RUBCN: variants seen among roughly 807,000 people sequenced by gnomAD.
RUBCN encodes rubicon autophagy regulator.
A neutral mutation model predicts 113.2 loss-of-function variants in RUBCN; 74 were observed. The observed-to-expected ratio is 0.65, with a 90% CI of 0.54 to 0.79. The LOEUF is 0.79. RUBCN is among the 30% of genes least tolerant of loss of function. The probability of loss-of-function intolerance (pLI) is 0.00; values close to 1 mark genes in which losing one functional copy is unlikely to be tolerated. For synonymous variants in RUBCN, 480 were observed against 490.0 expected (o/e 0.98, Z 0.27); for missense variants, 1,109 against 1,251.7 (o/e 0.89, Z 1.72).
intron 1 of RUBCN, among the ~76,000 whole-genome samples, chr3:197,726,460 A>G (rs1383391357): frequency 6.6e-6 from 1 of 150,736 alleles, no homozygotes; most frequent in Non-Finnish European, 1.5e-5. Context: ...GTTAGCCAGG[A>G]TGGTCTCGAT....
intron 1 of RUBCN, among the ~76,000 whole-genome samples, chr3:197,736,029 G>C (rs1034707862): frequency 6.6e-6 from 1 of 152,172 alleles, no homozygotes; most frequent in Non-Finnish European, 1.5e-5. Flanking sequence ...AAAGGAAATG[G>C]CACAGAGGTC....
chr3:197,708,821 A>G (rs1297933231), intron 2 of RUBCN, among the ~76,000 whole-genome samples: 2 of 152,198 alleles, frequency 1.3e-5, no homozygotes, highest in Non-Finnish European at 2.9e-5. Flanking sequence ...TGTATTTATA[A>G]ACACTAGTAT....
In RUBCN at chr3:197,675,359, C is replaced by G; in HGVS notation, c.2740+63G>C. On this transcript the variant is annotated intron_variant, in intron 19 of 19. Coordinates refer to ENST00000296343, the MANE Select transcript of RUBCN (RefSeq NM_014687.4). This position sits in a 1 kb window ranked among gnomAD's most constrained non-coding sequence, Gnocchi z 4.4. Reference sequence around the variant, plus strand: ...ACCGAACTCTTGCTAACAGGGGTGGCTCTGGGGAATCAAGGAGCCCTGTGT... The same window carrying G: ...ACCGAACTCTTGCTAACAGGGGTGGGTCTGGGGAATCAAGGAGCCCTGTGT... The G allele has an allele frequency of 3.3e-6, 5 of 1,536,340 alleles. No homozygotes were observed. Among genetic ancestry groups the G allele is most frequent in the Non-Finnish European group, 4.5e-6 (5 of 1,111,358 alleles).
chr3:197,724,262 GTATGT>G (rs1423986777), intron 1 of RUBCN, among the ~76,000 whole-genome samples: 1 of 151,636 alleles, frequency 6.6e-6, no homozygotes, highest in Non-Finnish European at 1.5e-5. Flanking sequence ...GTTATAATAA[GTATGT>G]TATAATAAGT....
chr3:197,686,231 T>A (rs1003456951), intron 11 of RUBCN, among the ~76,000 whole-genome samples: 3 of 151,902 alleles, frequency 2.0e-5, no homozygotes, highest in Non-Finnish European at 4.4e-5. Flanking sequence ...CAGTTCTGTA[T>A]CCTCACAGAG....
Position 197,674,856 on chromosome 3 carries a change from GCACAC to G in RUBCN, c.*157_*161del. On this transcript the variant is annotated 3_prime_UTR_variant, in exon 20 of 20. Transcript: ENST00000296343. ...CCCATCAACCTGCCGACGGCTGACTGCACACAGACGTCAGACAAGTCAGTAAAAAA... is the reference window on the plus strand; with the variant it reads ...CCCATCAACCTGCCGACGGCTGACTGAGACGTCAGACAAGTCAGTAAAAAA... 2 of 603,154 alleles carry G rather than the reference GCACAC, an allele frequency of 3.3e-6. No homozygotes were observed. Among genetic ancestry groups the G allele is most frequent in the Non-Finnish European group, 5.4e-6 (2 of 369,706 alleles). The allele number at this position is 603,154 out of a possible 1,614,324, so 37.4% of individuals were successfully genotyped here.
intron 1 of RUBCN, among the ~76,000 whole-genome samples, chr3:197,726,275 C>T (rs953277912): frequency 1.3e-5 from 2 of 151,970 alleles, no homozygotes; most frequent in Non-Finnish European, 2.9e-5. Context: ...GAGACGGAGT[C>T]TCGCTCTGTC....
chr3:197,690,614 A>G (rs1333714031), intron 11 of RUBCN, among the ~76,000 whole-genome samples: 1 of 152,222 alleles, frequency 6.6e-6, no homozygotes, highest in African/African-American at 2.4e-5. Flanking sequence ...CAAAGTACCC[A>G]GAAGAGATGG....
intron 2 of RUBCN, among the ~76,000 whole-genome samples, chr3:197,713,898 C>A (rs1725228410): frequency 6.6e-6 from 1 of 151,814 alleles, no homozygotes; most frequent in East Asian, 1.9e-4. Flanking sequence ...CACGGTGAAA[C>A]CCTGTCTCTA....
chr3:197,739,537 C>T (rs1348719062), upstream of RUBCN, among the ~76,000 whole-genome samples: 1 of 148,412 alleles, frequency 6.7e-6, no homozygotes, highest in African/African-American at 2.5e-5. Flanking sequence ...ACTAAAAATA[C>T]AACAAAAAAT....
chr3:197,685,380 A>G (rs1190778419), intron 11 of RUBCN, among the ~76,000 whole-genome samples: 2 of 152,138 alleles, frequency 1.3e-5, no homozygotes, highest in Non-Finnish European at 2.9e-5. Context: ...TCAGAAGGAC[A>G]CCAATCTTGT....
chr3:197,745,762 C>T (rs781017501), intron 1 of RUBCN, among the ~76,000 whole-genome samples: 2 of 148,394 alleles, frequency 1.3e-5, no homozygotes, highest in African/African-American at 2.5e-5. Context: ...TTGAGCTGGG[C>T]GCGGTGGCTC....
chr3:197,739,656 G>A (rs561108677), upstream of RUBCN, among the ~76,000 whole-genome samples: 349 of 152,194 alleles, frequency 2.3e-3, 1 homozygote, highest in African/African-American at 5.0e-3. Flanking sequence ...CAGAGATCAC[G>A]CCACTGCACT....
rs1721451725 is a variant in RUBCN, at chr3:197,683,209, A to T, written c.1980+98T>A. On this transcript the variant is annotated intron_variant, in intron 13 of 19. Transcript: ENST00000296343. The surrounding 1 kb of genome is among the most constrained non-coding windows in gnomAD (Gnocchi z 4.6). Reference sequence around the variant, plus strand: ...TGGCTTCCACGAGTAAGGGGGGAACACCCAGGCTCATTCCAGACTAGGGAC... The same window carrying T: ...TGGCTTCCACGAGTAAGGGGGGAACTCCCAGGCTCATTCCAGACTAGGGAC... 6.9e-7 allele frequency: 1 copy of T among 1,453,376 alleles called. No homozygotes were observed. The highest frequency in any genetic ancestry group is 9.7e-7 in the Non-Finnish European group (1 of 1,033,928). 90.0% of individuals were successfully genotyped at this position (1,453,376 alleles called of 1,614,324 possible).
chr3:197,690,927 T>C (rs541845622), intron 11 of RUBCN: 1 of 405,598 alleles, frequency 2.5e-6, no homozygotes, highest in Admixed American at 2.9e-5. Flanking sequence ...TTGTTCTGGC[T>C]TAGCTCCAGT....
intron 2 of RUBCN, among the ~76,000 whole-genome samples, chr3:197,714,457 TC>T (rs1196647272): frequency 6.6e-6 from 1 of 152,030 alleles, no homozygotes; most frequent in African/African-American, 2.4e-5. Context: ...AGTAGCTGAG[TC>T]TACAGGCATG....
Position 197,703,540 on chromosome 3 carries a change from C to G in RUBCN, c.570+8G>C, listed in dbSNP as rs1723940762. 1 of 1,592,308 alleles carries G rather than the reference C, an allele frequency of 6.3e-7. No homozygotes were observed. Among genetic ancestry groups the G allele is most frequent in the Non-Finnish European group, 8.6e-7 (1 of 1,160,480 alleles). ...GCATAGACGTGGATAATTCCTTGTCCCCTGTACCATGGACGCATCGATCTG... is the reference window on the plus strand; with the variant it reads ...GCATAGACGTGGATAATTCCTTGTCGCCTGTACCATGGACGCATCGATCTG... On this transcript the variant is annotated splice_region_variant and intron_variant, in intron 5 of 19. Coordinates refer to ENST00000296343, the MANE Select transcript of RUBCN (RefSeq NM_014687.4).
Position 197,742,937 on chromosome 3 carries a change from A to G in RUBCN, c.-116+6332T>C, listed in dbSNP as rs551721513. Among the ~76,000 whole-genome samples the G allele has an allele frequency of 9.2e-5, 14 of 152,366 alleles. No individual in the cohort carries two copies. In the South Asian group the frequency reaches 2.1e-3, roughly 23 times the overall value. ...GCCACAGTTGGTCATTCAGTGAGTC[A>G]ATCTAGAACCCCTGGTGGTCAAGAC... On this transcript the variant is annotated intron_variant, in intron 1 of 20. Transcript: ENST00000273582.
intron 2 of RUBCN, among the ~76,000 whole-genome samples, chr3:197,713,566 G>A (rs1474677103): frequency 2.0e-5 from 3 of 152,088 alleles, no homozygotes; most frequent in Non-Finnish European, 4.4e-5. Context: ...GTTTAGTTTT[G>A]GTAATGTTGT....
Sources: gnomAD v4.1 joint callset for allele counts (sites outside exome capture counted in the v4.1 genomes callset) on GRCh38, gnomAD v4.1.1 for gene constraint, Gnocchi (gnomAD v3.1) non-coding constraint, MANE v1.5 for transcripts, NCBI Gene and HGNC (gene_info 2026-07-23, HGNC 2026-07-21) for gene names.